SPTBN2: variants seen among roughly 807,000 people sequenced by gnomAD.
The protein encoded by SPTBN2 is spectrin beta, non-erythrocytic 2.
SPTBN2 carries 107 observed loss-of-function variants against 284.2 expected under a neutral mutation model. The observed-to-expected ratio is 0.38, with a 90% CI of 0.32 to 0.44. The LOEUF (loss-of-function observed/expected upper bound fraction) is 0.44. Ranked by LOEUF, SPTBN2 falls within the 20% of genes least tolerant of loss-of-function variation. The probability of loss-of-function intolerance (pLI) is 1.00; values close to 1 mark genes in which losing one functional copy is unlikely to be tolerated. For missense variants in SPTBN2, 2,569 were observed against 3,287.1 expected (o/e 0.78, Z 5.34); for synonymous variants, 1,289 against 1,354.8 (o/e 0.95, Z 1.07).
Position 66,690,119 on chromosome 11 carries a change from G to C in SPTBN2, c.5730C>G (p.Phe1910Leu), listed in dbSNP as rs1203582118. 1.9e-6 allele frequency: 3 copies of C among 1,614,132 alleles called. No individual in the cohort carries two copies. The highest frequency in any genetic ancestry group is 2.5e-6 in the Non-Finnish European group (3 of 1,180,064). ...RQLLLDTTDK[F>L]RFFKAVRELM... is the part of the protein sequence containing the mutation. ...GTTCCCGGACAGCCTTGAAGAAGCG[G>C]AACTTGTCTGTGGTGTCCAGCAGCA... Residue 1910 changes from phenylalanine (F) to leucine (L), a missense_variant, in exon 28 of 38, where the codon TTC becomes TTG. Physicochemically the swap from Phe to Leu is conservative, Grantham distance 22. Coordinates refer to ENST00000533211, the MANE Select transcript of SPTBN2 (RefSeq NM_006946.4).
At chr11:66,736,759 G>C (rs191919491) in intron 1 of SPTBN2, among the ~76,000 whole-genome samples, 12 of 152,146 alleles carry the variant, frequency 7.9e-5, no homozygotes, top group Non-Finnish European at 1.8e-4. Context: ...GAAAACCCAG[G>C]GCACTCAGAG....
chr11:66,711,235 C>T (rs1223463485), intron 8 of SPTBN2, among the ~76,000 whole-genome samples: 1 of 152,084 alleles, frequency 6.6e-6, no homozygotes, highest in South Asian at 2.1e-4. Context: ...CAAGAAGGGC[C>T]CTCCAAGCAG....
At position 66,691,376 on chromosome 11, in the gene SPTBN2, G is replaced by A. The variant is rs1940534562; in HGVS notation, c.5473C>T (p.Pro1825Ser). 1 of 1,596,020 alleles carries A rather than the reference G, an allele frequency of 6.3e-7. No individual in the cohort carries two copies. Among genetic ancestry groups the A allele is most frequent in the Admixed American group, 1.7e-5 (1 of 59,376 alleles). The change falls in exon 27 of 38, where the codon CCG (proline) becomes TCG (serine). Residue 1825 changes from proline (P) to serine (S), a missense_variant. Physicochemically the swap from Pro to Ser is moderately conservative, Grantham distance 74. Transcript: ENST00000533211. This position sits in a 1 kb window ranked among gnomAD's most constrained non-coding sequence, Gnocchi z 8.0. ...TTGAGGTCGCGGCCAGTCCCGTCCG[G>A]AAGCTGCTGCTGCTTGTGCTGCACC... is the stretch of plus-strand genomic sequence containing the variant. The part of the protein sequence containing the change: ...ARVQHKQQQL[P>S]DGTGRDLNAA...
intron 1 of SPTBN2, among the ~76,000 whole-genome samples, chr11:66,735,182 A>G (rs1942843498): frequency 6.6e-6 from 1 of 152,032 alleles, no homozygotes; most frequent in Admixed American, 6.6e-5. Flanking sequence ...AAAATACAAA[A>G]ATTAGCCAGG....
At chr11:66,727,232 C>T (rs943242454) in intron 1 of SPTBN2, among the ~76,000 whole-genome samples, 3 of 152,188 alleles carry the variant, frequency 2.0e-5, no homozygotes, top group African/African-American at 7.2e-5. Context: ...CAAGCTAAGA[C>T]ACATATTTGG....
chr11:66,740,359 A>T (rs940592589), intron 1 of SPTBN2, among the ~76,000 whole-genome samples: 4 of 152,252 alleles, frequency 2.6e-5, no homozygotes, highest in Admixed American at 1.3e-4. Context: ...AGAAAGGGGA[A>T]GAACAGATGC....
In SPTBN2 at chr11:66,707,848, GGGACCAA is replaced by G. The variant is rs767673431; in HGVS notation, c.1351-37_1351-31del. On this transcript the variant is annotated intron_variant, in intron 12 of 37. Transcript: ENST00000533211. The surrounding 1 kb of genome is among the most constrained non-coding windows in gnomAD (Gnocchi z 4.9). ...GTCGGGGGCAGGGAGAGGAGGTGTG[GGGACCAA>G]GGGACAGTGCCTCTGCCTGCTCCTC... The G allele has an allele frequency of 4.4e-6, 7 of 1,602,818 alleles. No individual in the cohort carries two copies. In the South Asian group the frequency reaches 7.7e-5, roughly 18 times the overall value.
intron 1 of SPTBN2, among the ~76,000 whole-genome samples, chr11:66,726,193 C>T (rs980049352): frequency 1.3e-5 from 2 of 152,088 alleles, no homozygotes; most frequent in African/African-American, 4.8e-5. Context: ...TTTCTTAGGA[C>T]TAGAGAGAAG....
Position 66,715,095 on chromosome 11 carries a change from T to C in SPTBN2, c.483+127A>G. The C allele has an allele frequency of 1.6e-6, 2 of 1,223,394 alleles. No homozygotes were observed. The highest frequency in any genetic ancestry group is 2.4e-6 in the Non-Finnish European group (2 of 851,002). The allele number at this position is 1,223,394 out of a possible 1,614,324, so 75.8% of individuals were successfully genotyped here. The stretch of plus-strand genomic sequence containing the variant: ...ATCTGGTGCTTGGATAGCGCCGCCA[T>C]GGCAGCTGCTACATAAGGTTCTAGA... On this transcript the variant is annotated intron_variant, in intron 5 of 37. Coordinates refer to ENST00000533211, the MANE Select transcript of SPTBN2 (RefSeq NM_006946.4). This position sits in a 1 kb window ranked among gnomAD's most constrained non-coding sequence, Gnocchi z 5.3.
Position 66,705,192 on chromosome 11 carries a change from C to A in SPTBN2, c.2084G>T (p.Gly695Val). 6.5e-7 allele frequency: 1 copy of A among 1,535,262 alleles called. No individual in the cohort carries two copies. The highest frequency in any genetic ancestry group is 2.5e-5 in the East Asian group (1 of 40,814). Residue 695 changes from glycine to valine, a missense_variant, in exon 15 of 38, where the codon GGG becomes GTG. Around this residue, in one of 6 missense-constraint regions of SPTBN2, gnomAD observed 1,012 missense variants for 1,248.9 expected, o/e 0.81. Coordinates refer to ENST00000533211, the MANE Select transcript of SPTBN2 (RefSeq NM_006946.4). ...CTGCTCCAGGGTGAGCTTCAGGGGC[C>A]CCAGCCGGCCGCTCATCTCGCCCCG... ...ALRGEMSGRL[G>V]PLKLTLEQGQ...
chr11:66,721,560 G>A (rs1045629775), intron 1 of SPTBN2, 120 bp from the exon 2 acceptor site: 8 of 425,282 alleles, frequency 1.9e-5, no homozygotes, highest in Non-Finnish European at 2.2e-5. Flanking sequence ...ACGGGTTTGC[G>A]GGGTGAAGAA....
In SPTBN2 at chr11:66,707,474, C is replaced by T. The variant is rs777349819; in HGVS notation, c.1653+42G>A. ...CGCACCCACTGTGGGGCCCCCTCGA[C>T]TCTTGATCACTCTTACCCCACCCAG... On this transcript the variant is annotated intron_variant, in intron 13 of 37. Transcript: ENST00000533211. This position sits in a 1 kb window ranked among gnomAD's most constrained non-coding sequence, Gnocchi z 4.9. The T allele has an allele frequency of 3.8e-6, 6 of 1,561,922 alleles. No individual in the cohort carries two copies. Among genetic ancestry groups the T allele is most frequent in the Non-Finnish European group, 5.2e-6 (6 of 1,154,186 alleles).
upstream of SPTBN2, among the ~76,000 whole-genome samples, chr11:66,730,364 G>T (rs1396629127): frequency 6.6e-6 from 1 of 151,494 alleles, no homozygotes; most frequent in Non-Finnish European, 1.5e-5. Flanking sequence ...CAGGTGGATC[G>T]CGAGGTCAGG....
In SPTBN2 at chr11:66,698,653, C is replaced by T; in HGVS notation, c.4000G>A (p.Asp1334Asn). 2.5e-6 allele frequency: 4 copies of T among 1,614,234 alleles called. No homozygotes were observed. Among genetic ancestry groups the T allele is most frequent in the Non-Finnish European group, 3.4e-6 (4 of 1,180,042 alleles). The part of the protein sequence containing the change: ...AELAANKDWL[D>N]KVDKEGRELT... ...GCACTGCTCACCTTGTCCACCTTGT[C>T]CAGCCAGTCTTTGTTGGCAGCCAGC... The change falls in exon 20 of 38, where the codon GAC (aspartate) becomes AAC (asparagine). Residue 1334 changes from aspartate to asparagine, a missense_variant. Physicochemically the swap from Asp to Asn is conservative, Grantham distance 23. This residue lies in a region of SPTBN2 where 50 missense variants were observed against 48.1 expected (regional missense o/e 1.04). Transcript: ENST00000533211.
At chr11:66,699,645 A>C in intron 17 of SPTBN2, 37 bp from the exon 18 acceptor site, 1 of 1,610,344 alleles carries the variant, frequency 6.2e-7, no homozygotes, top group South Asian at 1.1e-5. Flanking sequence ...CATTTTCCCC[A>C]GCACAATTCA....
chr11:66,696,124 C>G (rs1043646594), intron 21 of SPTBN2, among the ~76,000 whole-genome samples, 153 bp downstream of exon 21: 6 of 152,184 alleles, frequency 3.9e-5, no homozygotes, highest in African/African-American at 1.4e-4. Context: ...CGACATATCC[C>G]TAGAGATTCT....
Position 66,696,465 on chromosome 11 carries a change from G to T in SPTBN2, c.4090C>A (p.Arg1364Ser). The change falls in exon 21 of 38, where the codon CGC (arginine) becomes AGC (serine). Residue 1364 changes from arginine (R) to serine (S), a missense_variant. Physicochemically the swap from Arg to Ser is moderately radical, Grantham distance 110. Coordinates refer to ENST00000533211, the MANE Select transcript of SPTBN2 (RefSeq NM_006946.4). ...GTGGTGGTCTCCAGCTCGTCCCAGC[G>T]CCTGTGCAGGTCTCTCAGCTTCTCC... ...VSEKLRDLHR[R>S]WDELETTTQA... 1 of 1,612,506 alleles carries T rather than the reference G, an allele frequency of 6.2e-7. No homozygotes were observed.
chr11:66,737,876 T>C (rs369274847), intron 1 of SPTBN2, among the ~76,000 whole-genome samples: 7 of 152,242 alleles, frequency 4.6e-5, no homozygotes, highest in African/African-American at 1.7e-4. Context: ...AAAAAAATAT[T>C]GCTTCTCTGG....
intron 20 of SPTBN2, among the ~76,000 whole-genome samples, chr11:66,697,312 G>T (rs1940976090): frequency 6.6e-6 from 1 of 152,170 alleles, no homozygotes; most frequent in Non-Finnish European, 1.5e-5. Flanking sequence ...CACAAACCCA[G>T]ACACTGCCTT....
Sources: gnomAD v4.1 joint callset for allele counts (sites outside exome capture counted in the v4.1 genomes callset) on GRCh38, gnomAD v4.1.1 for gene constraint, gnomAD v4.1.1 regional missense constraint, Gnocchi (gnomAD v3.1) non-coding constraint, MANE v1.5 for transcripts, NCBI Gene and HGNC (gene_info 2026-07-23, HGNC 2026-07-21) for gene names.